Variants in PYY observed in about 807,000 individuals in gnomAD.
The protein encoded by PYY is peptide tyrosine tyrosine.
Under a neutral mutation model 10.3 loss-of-function variants are expected in PYY, and 12 were observed. That is an observed-to-expected ratio of 1.17 (90% CI 0.75 to 1.89). PYY has a LOEUF of 1.89. PYY is among the 40% of genes most tolerant of loss of function. The probability of loss-of-function intolerance (pLI) is 0.00; values close to 1 mark genes in which losing one functional copy is unlikely to be tolerated. For synonymous variants in PYY, 66 were observed against 62.0 expected (o/e 1.06, Z -0.30); for missense variants, 141 against 134.0 (o/e 1.05, Z -0.26).
chr17:43,984,986 A>T (rs2048906983), intron 1 of PYY, among the ~76,000 whole-genome samples: 1 of 152,222 alleles, frequency 6.6e-6, no homozygotes, highest in Non-Finnish European at 1.5e-5. Context: ...TCTTCTAAAT[A>T]TACAAACAAA....
upstream of PYY, among the ~76,000 whole-genome samples, chr17:43,958,546 A>G (rs1351010965): frequency 2.0e-5 from 3 of 152,124 alleles, no homozygotes; most frequent in Admixed American, 1.3e-4. Flanking sequence ...CGCCTGGCTA[A>G]TTTTTGTATT....
chr17:43,985,147 A>C (rs1460600334), intron 1 of PYY, among the ~76,000 whole-genome samples: 1 of 152,224 alleles, frequency 6.6e-6, no homozygotes, highest in Non-Finnish European at 1.5e-5. Context: ...TCTGGAATAC[A>C]TGAAGAGTAC....
chr17:43,997,601 A>G (rs1325285016), intron 1 of PYY, among the ~76,000 whole-genome samples: 1 of 152,120 alleles, frequency 6.6e-6, no homozygotes, highest in Non-Finnish European at 1.5e-5. Context: ...TCTCAGTGAG[A>G]TGGAAGCCAT....
At chr17:44,002,980 T>C (rs1244676384) in intron 1 of PYY, among the ~76,000 whole-genome samples, 1 of 152,242 alleles carries the variant, frequency 6.6e-6, no homozygotes, top group Non-Finnish European at 1.5e-5. Context: ...TGGAATATAA[T>C]GGAATGTAAT....
intron 1 of PYY, 99 bp downstream of exon 1, chr17:43,953,751 C>T (rs1451596617): frequency 8.7e-6 from 3 of 343,618 alleles, no homozygotes; most frequent in Non-Finnish European, 1.6e-5. Flanking sequence ...CCCCTCCAAT[C>T]CAGTTTCCTA....
intron 2 of PYY, among the ~76,000 whole-genome samples, chr17:43,963,425 T>C (rs985362098): frequency 4.0e-5 from 6 of 150,126 alleles, no homozygotes; most frequent in Admixed American, 6.7e-5. Context: ...GGAGAATCAC[T>C]TGAACCCAGG....
At chr17:44,004,435 C>T in exon 1 of PYY, 1 of 406,126 alleles carries the variant, frequency 2.5e-6, no homozygotes, top group Non-Finnish European at 4.2e-6. Context: ...AGTCTCGGCC[C>T]CATGACCGAT....
intron 1 of PYY, among the ~76,000 whole-genome samples, chr17:43,990,538 C>T (rs1402091765): frequency 6.6e-6 from 1 of 151,848 alleles, no homozygotes; most frequent in Non-Finnish European, 1.5e-5. Flanking sequence ...AGCTTCTGGG[C>T]ACTTGCTGAA....
At chr17:43,975,826 C>A (rs56247491) in intron 1 of PYY, among the ~76,000 whole-genome samples, 274 of 5,500 alleles carry the variant, frequency 0.05, 51 homozygotes, top group African/African-American at 0.17. Flanking sequence ...ATACACGTGT[C>A]TACGTACGTG....
At chr17:43,997,314 C>G (rs180992975) in intron 1 of PYY, among the ~76,000 whole-genome samples, 1 of 152,268 alleles carries the variant, frequency 6.6e-6, no homozygotes, top group East Asian at 1.9e-4. Flanking sequence ...GCTGAGATTA[C>G]AGGCATGAGC....
intron 1 of PYY, among the ~76,000 whole-genome samples, chr17:44,003,097 G>A (rs892703156): frequency 6.6e-6 from 1 of 152,032 alleles, no homozygotes; most frequent in Non-Finnish European, 1.5e-5. Flanking sequence ...GAGTGCAGTG[G>A]CACAGTCTCA....
chr17:43,984,742 A>C (rs967445248), intron 1 of PYY, among the ~76,000 whole-genome samples: 4 of 152,222 alleles, frequency 2.6e-5, no homozygotes, highest in African/African-American at 9.6e-5. Flanking sequence ...GCACTGCCAC[A>C]TCTATGCCCT....
rs1305599335 is a variant in PYY at position 43,976,022 on chromosome 17, GTGTATAAGCGTATACA to G, written c.-462-9506_-462-9491del. ...CGTACGTGTACATACACGTGTATAC[GTGTATAAGCGTATACA>G]TGTATATGTATAATACGTATACATG... On this transcript the variant is annotated intron_variant, in intron 1 of 6. Coordinates refer to the PYY transcript ENST00000360085. 5.5e-5 allele frequency among the ~76,000 whole-genome samples: 8 copies of G among 144,986 alleles called. 3 individuals are homozygous for G. The highest frequency in any genetic ancestry group is 2.0e-4 in the African/African-American group (8 of 39,690).
At chr17:43,980,157 T>G (rs2048872952) in intron 1 of PYY, among the ~76,000 whole-genome samples, 1 of 16,574 alleles carries the variant, frequency 6.0e-5, no homozygotes, top group Admixed American at 4.9e-4. Flanking sequence ...CCCCTCCACC[T>G]TTTTTTTTTT....
At chr17:43,992,834 G>T (rs1369443144) in intron 1 of PYY, among the ~76,000 whole-genome samples, 1 of 152,130 alleles carries the variant, frequency 6.6e-6, no homozygotes, top group African/African-American at 2.4e-5. Flanking sequence ...AAGCAGATTG[G>T]AGTGATGTAG....
chr17:43,957,430 G>A (rs1005633462), upstream of PYY, among the ~76,000 whole-genome samples: 34 of 151,754 alleles, frequency 2.2e-4, no homozygotes, highest in African/African-American at 7.7e-4. Flanking sequence ...GGCCAAGGCA[G>A]GTGGATCATC....
chr17:43,978,958 G>A (rs747614842), intron 1 of PYY, among the ~76,000 whole-genome samples: 2 of 152,120 alleles, frequency 1.3e-5, no homozygotes, highest in Non-Finnish European at 2.9e-5. Flanking sequence ...TTTTTCTTCT[G>A]CCCCTTCCTC....
At chr17:43,972,191 T>TTTCA (rs1555617855) in intron 1 of PYY, among the ~76,000 whole-genome samples, 1 of 138,204 alleles carries the variant, frequency 7.2e-6, no homozygotes, top group Admixed American at 7.4e-5. Flanking sequence ...TTTTATTTTA[T>TTTCA]TTTATTTATT....
chr17:43,986,749 G>A (rs1054883626), intron 1 of PYY, among the ~76,000 whole-genome samples: 7 of 152,168 alleles, frequency 4.6e-5, no homozygotes, highest in South Asian at 2.1e-4. Context: ...AGGAGCCACC[G>A]TCAGCGCAGC....
Sources: allele counts gnomAD v4.1 joint callset (sites outside exome capture counted in the v4.1 genomes callset), GRCh38; gene constraint gnomAD v4.1.1; transcripts MANE v1.5; gene names NCBI Gene and HGNC (gene_info 2026-07-23, HGNC 2026-07-21).